ADGRF1: variants seen among roughly 807,000 people sequenced by gnomAD.
ADGRF1 encodes the protein G protein-coupled receptor 110.
In ADGRF1, 85 loss-of-function variants were observed where a neutral mutation model predicts 87.2. That is an observed-to-expected ratio of 0.97 (90% CI 0.82 to 1.17). The LOEUF (loss-of-function observed/expected upper bound fraction) is 1.17. Among genes scored for constraint, ADGRF1 ranks in the 50% most tolerant of loss-of-function variants. ADGRF1 has a pLI of 0.00. For synonymous variants in ADGRF1, 430 were observed against 408.8 expected (o/e 1.05, Z -0.63); for missense variants, 1,169 against 1,077.2 (o/e 1.09, Z -1.19).
chr6:47,027,353 A>C (rs1029536198), intron 3 of ADGRF1, among the ~76,000 whole-genome samples: 1 of 152,242 alleles, frequency 6.6e-6, no homozygotes, highest in Non-Finnish European at 1.5e-5. Context: ...TCTGTGAGGA[A>C]ATGTGTTCAG....
chr6:47,036,480 G>A (rs1780592977), intron 1 of ADGRF1, among the ~76,000 whole-genome samples: 1 of 152,126 alleles, frequency 6.6e-6, no homozygotes, highest in South Asian at 2.1e-4. Flanking sequence ...AGGAGTCCAA[G>A]GATGGAAACA....
chr6:46,998,261 T>C lies in ADGRF1; in HGVS notation c.*1961A>G, dbSNP rs997169992. 2.0e-5 allele frequency: 3 copies of C among 152,206 alleles called. No individual in the cohort carries two copies. Among genetic ancestry groups the C allele is most frequent in the East Asian group, 3.9e-4 (2 of 5,192 alleles). The allele number at this position is 152,206 out of a possible 1,614,324, so 9.4% of individuals were successfully genotyped here. A position where few individuals can be genotyped will look rare whatever the true frequency, so the allele number is the denominator to read the frequency against. On this transcript the variant is annotated 3_prime_UTR_variant, in exon 15 of 15. Coordinates refer to ENST00000371253, the MANE Select transcript of ADGRF1 (RefSeq NM_153840.4). ...GAGAGGGAGCATTCAAGAACTCCCATAGAAATTCTCATAGCCCTGACTTCT... is the reference window on the plus strand; with the variant it reads ...GAGAGGGAGCATTCAAGAACTCCCACAGAAATTCTCATAGCCCTGACTTCT...
chr6:47,014,313 C>T, intron 9 of ADGRF1: 1 of 1,008,478 alleles, frequency 9.9e-7, no homozygotes, highest in Admixed American at 5.6e-5. Context: ...ACTAAGCCTG[C>T]TGGCTTATGA....
At position 46,999,971 on chromosome 6, in the gene ADGRF1, T is replaced by C. The variant is rs1442392206; in HGVS notation, c.*251A>G. The C allele has an allele frequency of 1.3e-5, 5 of 397,756 alleles. No individual in the cohort carries two copies. In the East Asian group the frequency reaches 1.7e-4, roughly 13 times the overall value. The allele number at this position is 397,756 out of a possible 1,614,324, so 24.6% of individuals were successfully genotyped here. On this transcript the variant is annotated 3_prime_UTR_variant, in exon 15 of 15. Coordinates refer to ENST00000371253, the MANE Select transcript of ADGRF1 (RefSeq NM_153840.4). ...TGGTCAGGGTACAACTGACACGATTTCCAACAAAACCTACTCTTCTGCATT... is the reference window on the plus strand; with the variant it reads ...TGGTCAGGGTACAACTGACACGATTCCCAACAAAACCTACTCTTCTGCATT...
At chr6:47,029,195 T>C (rs1780338542) in intron 1 of ADGRF1, 91 bp from the exon 2 acceptor site, 1 of 695,276 alleles carries the variant, frequency 1.4e-6, no homozygotes, top group Non-Finnish European at 2.6e-6. Context: ...AAGGCCTCAC[T>C]GAGCTGATCC....
At chr6:47,015,734 T>C (rs140262007) in intron 8 of ADGRF1, among the ~76,000 whole-genome samples, 5,431 of 149,450 alleles carry the variant, frequency 0.036, 327 homozygotes, top group African/African-American at 0.12. Context: ...ATTACAGGTG[T>C]GTGCCACCAC....
rs140268316 is a variant in ADGRF1 at position 47,009,498 on chromosome 6, G to A, written c.1937C>T (p.Thr646Ile). The change falls in exon 11 of 15, where the codon ACA (threonine) becomes ATA (isoleucine). Residue 646 changes from threonine to isoleucine, a missense_variant. Thr to Ile is a moderately conservative substitution (Grantham distance 89). Coordinates refer to ENST00000371253, the MANE Select transcript of ADGRF1 (RefSeq NM_153840.4). ...AGAAGGGTTCACCGTGGTGTCCACT[G>A]TGGCACCAACAATAAACCAGACATC... ...IADVWFIVGA[T>I]VDTTVNPSGV... The A allele has an allele frequency of 4.3e-6, 7 of 1,613,982 alleles. No homozygotes were observed. The highest frequency in any genetic ancestry group is 3.3e-5 in the Admixed American group (2 of 59,986).
intron 2 of ADGRF1, among the ~76,000 whole-genome samples, chr6:47,028,671 C>T (rs185501050): frequency 2.9e-4 from 44 of 152,228 alleles, no homozygotes; most frequent in Admixed American, 2.6e-3. Flanking sequence ...CTAAGGATTG[C>T]TAATGTCCAT....
At chr6:47,018,444 T>G (rs1244708402) in intron 7 of ADGRF1, 2 of 1,289,758 alleles carry the variant, frequency 1.6e-6, no homozygotes, top group Admixed American at 2.3e-5. Flanking sequence ...TATAAATAAG[T>G]GCAGACACCC....
At chr6:47,006,112 CATT>C (rs1779520033) in intron 12 of ADGRF1, among the ~76,000 whole-genome samples, 1 of 152,084 alleles carries the variant, frequency 6.6e-6, no homozygotes, top group Admixed American at 6.5e-5. Flanking sequence ...CAATTTTAGA[CATT>C]AGTAGTTGGC....
chr6:47,014,606 C>T, intron 9 of ADGRF1, 75 bp downstream of exon 9: 5 of 1,560,718 alleles, frequency 3.2e-6, no homozygotes, highest in Non-Finnish European at 4.3e-6. Context: ...TACCCTCCAC[C>T]TAGCCATGCT....
At chr6:47,019,173 A>G in intron 7 of ADGRF1, 2 of 565,232 alleles carry the variant, frequency 3.5e-6, no homozygotes, top group Middle Eastern at 9.2e-4. Flanking sequence ...GACAGCTTAT[A>G]AGATATGCAT....
At chr6:47,033,477 TC>T (rs1389387319) in intron 1 of ADGRF1, among the ~76,000 whole-genome samples, 1 of 152,254 alleles carries the variant, frequency 6.6e-6, no homozygotes, top group African/African-American at 2.4e-5. Flanking sequence ...AACAATCTAA[TC>T]TTAGGCACAG....
chr6:47,011,720 A>C (rs774076914), intron 10 of ADGRF1, among the ~76,000 whole-genome samples: 87 of 152,198 alleles, frequency 5.7e-4, no homozygotes, highest in Non-Finnish European at 6.0e-4. Context: ...TATAGATTGC[A>C]AACATGTTGA....
At chr6:47,025,786 C>G (rs1308109817) in intron 4 of ADGRF1, 68 bp downstream of exon 4, 1 of 1,389,350 alleles carries the variant, frequency 7.2e-7, no homozygotes, top group Non-Finnish European at 9.7e-7. Context: ...CACAGCATAA[C>G]CCAACCTAGC....
intron 5 of ADGRF1, 59 bp from the exon 6 acceptor site, chr6:47,022,117 AG>A: frequency 1.1e-6 from 1 of 932,436 alleles, no homozygotes; most frequent in Non-Finnish European, 1.7e-6. Context: ...ATTTACTAGT[AG>A]CATACAATTA....
Position 47,025,860 on chromosome 6 carries a change from T to C in ADGRF1, c.271A>G (p.Thr91Ala). ...TCACCGAGAGCCACCTTACCTGTGG[T>C]AGCCTTTGCTCTGATAATTCTAATT... ...GLIRIIRAKA[T>A]TDCNSLNGVL... Residue 91 changes from threonine to alanine, a missense_variant, in exon 4 of 15, where the codon ACC becomes GCC. Transcript: ENST00000371253. 6.3e-7 allele frequency: 1 copy of C among 1,589,878 alleles called. No homozygotes were observed. The highest frequency in any genetic ancestry group is 8.6e-7 in the Non-Finnish European group (1 of 1,164,760).
rs757488094 is a variant in ADGRF1, at chr6:47,009,131, C to A, written c.2304G>T (p.Lys768Asn). Residue 768 changes from lysine to asparagine, a missense_variant, in exon 11 of 15, where the codon AAG (lysine) becomes AAT (asparagine). Transcript: ENST00000371253. ...NFVVVLLVLT[K>N]LWRPTVGERL... The stretch of plus-strand genomic sequence containing the variant: ...TTTCCCCAACAGTCGGCCTCCAGAG[C>A]TTTGTGAGAACTAGCAGCACCACAA... The A allele has an allele frequency of 6.2e-7, 1 of 1,614,100 alleles. No homozygotes were observed. The highest frequency in any genetic ancestry group is 8.5e-7 in the Non-Finnish European group (1 of 1,180,024).
intron 7 of ADGRF1, 169 bp from the exon 8 acceptor site, chr6:47,016,937 A>G (rs566919544): frequency 3.3e-6 from 2 of 609,072 alleles, no homozygotes; most frequent in Admixed American, 4.3e-5. Flanking sequence ...CACCAAAAAT[A>G]CATATATATA....
Sources: allele counts gnomAD v4.1 joint callset (sites outside exome capture counted in the v4.1 genomes callset), GRCh38; gene constraint gnomAD v4.1.1; transcripts MANE v1.5; gene names NCBI Gene and HGNC (gene_info 2026-07-23, HGNC 2026-07-21).